Variants in DNAJC16 observed in about 807,000 individuals in gnomAD.
DNAJC16 encodes the protein DnaJ heat shock protein family (Hsp40) member C16.
DNAJC16 carries 76 observed loss-of-function variants against 92.7 expected under a neutral mutation model. The observed-to-expected ratio is 0.82, with a 90% CI of 0.68 to 0.99. DNAJC16 has a LOEUF of 0.99. Among genes scored for constraint, DNAJC16 ranks in the 50% least tolerant of loss-of-function variants. DNAJC16 has a pLI of 0.00. For missense variants in DNAJC16, 869 were observed against 942.4 expected, an observed-to-expected ratio of 0.92 and a Z score of 1.02; for synonymous variants, 328 against 358.7, an observed-to-expected ratio of 0.91 and a Z score of 0.97.
At chr1:15,536,059 TTTCTTTTCTTTTC>T (rs969727417) in intron 3 of DNAJC16, among the ~76,000 whole-genome samples, 6 of 93,908 alleles carry the variant, frequency 6.4e-5, no homozygotes, top group African/African-American at 1.3e-4. Context: ...TTTCTTTTCT[TTTCTTTTCTTTTC>T]TTTTTTTTTT....
intron 7 of DNAJC16, among the ~76,000 whole-genome samples, chr1:15,558,198 T>C (rs1356445370): frequency 6.9e-6 from 1 of 144,996 alleles, no homozygotes. Context: ...TTTTTTTTCT[T>C]GAGACAGGGT....
intron 3 of DNAJC16, among the ~76,000 whole-genome samples, chr1:15,534,706 T>C (rs1710741551): frequency 6.6e-6 from 1 of 151,750 alleles, no homozygotes; most frequent in Admixed American, 6.6e-5. Flanking sequence ...AGGGAGACCG[T>C]CTCAAAAAAT....
intron 7 of DNAJC16, among the ~76,000 whole-genome samples, chr1:15,553,418 G>C (rs1638493578): frequency 1.3e-5 from 2 of 151,656 alleles, no homozygotes; most frequent in African/African-American, 4.9e-5. Context: ...ATTTTTGGTA[G>C]AGATGGGGTT....
chr1:15,548,535 T>G (rs1432385538), intron 7 of DNAJC16, 107 bp downstream of exon 7: 9 of 1,105,594 alleles, frequency 8.1e-6, no homozygotes, highest in Non-Finnish European at 9.9e-6. Context: ...GGATCTTCCT[T>G]CAGATGCACA....
chr1:15,543,659 G>C (rs1237252753), intron 4 of DNAJC16, among the ~76,000 whole-genome samples: 2 of 152,146 alleles, frequency 1.3e-5, no homozygotes, highest in African/African-American at 2.4e-5. Context: ...GGAGAAATAG[G>C]GGGAGAGCAT....
intron 7 of DNAJC16, among the ~76,000 whole-genome samples, chr1:15,550,125 A>G (rs1638412749): frequency 6.6e-6 from 1 of 152,218 alleles, no homozygotes; most frequent in Non-Finnish European, 1.5e-5. Context: ...AGCCACCGGC[A>G]CACAAGACAA....
At chr1:15,567,732 ATG>A in intron 14 of DNAJC16, 44 bp from the exon 15 acceptor site, 1 of 1,553,052 alleles carries the variant, frequency 6.4e-7, no homozygotes, top group African/African-American at 1.4e-5. Flanking sequence ...CAGCAATTAA[ATG>A]TGTCAGGAAA....
At chr1:15,537,833 G>A (rs911563100) in intron 4 of DNAJC16, among the ~76,000 whole-genome samples, 1 of 152,150 alleles carries the variant, frequency 6.6e-6, no homozygotes, top group Non-Finnish European at 1.5e-5. Flanking sequence ...GTATTGGGTT[G>A]GACCCAGGAG....
Position 15,548,352 on chromosome 1 carries a change from G to C in DNAJC16, c.947G>C (p.Arg316Pro), listed in dbSNP as rs779303862. 8.7e-6 allele frequency: 14 copies of C among 1,614,066 alleles called. No individual in the cohort carries two copies. Among genetic ancestry groups the C allele is most frequent in the Non-Finnish European group, 1.1e-5 (13 of 1,179,984 alleles). ...GLRGTEEMTR[R>P]YNINIYAPTL... is the part of the protein sequence containing the mutation. The stretch of plus-strand genomic sequence containing the variant: ...AGAGGGACGGAAGAGATGACAAGGC[G>C]GTACAACATCAATATCTACGCCCCT... Residue 316 changes from arginine to proline, a missense_variant, in exon 7 of 15, where the codon CGG becomes CCG. Arg to Pro is a moderately radical substitution (Grantham distance 103). Transcript: ENST00000375847.
chr1:15,556,756 C>T (rs1004536727), intron 7 of DNAJC16, among the ~76,000 whole-genome samples: 3 of 152,068 alleles, frequency 2.0e-5, no homozygotes, highest in Admixed American at 2.0e-4. Flanking sequence ...CGGGGGCTGT[C>T]CTTGTTCTTG....
chr1:15,547,685 G>A (rs923549113), intron 6 of DNAJC16, among the ~76,000 whole-genome samples: 14 of 151,578 alleles, frequency 9.2e-5, no homozygotes, highest in East Asian at 5.8e-4. Context: ...CAAGTGATCC[G>A]CCCACCTCGG....
chr1:15,528,350 C>T (rs1341006789), intron 1 of DNAJC16, among the ~76,000 whole-genome samples: 1 of 152,066 alleles, frequency 6.6e-6, no homozygotes, highest in African/African-American at 2.4e-5. Flanking sequence ...AGGAGACTTG[C>T]TTGAACCTGG....
chr1:15,551,015 A>C lies in DNAJC16; in HGVS notation c.1023+2587A>C, dbSNP rs554011853. Among the ~76,000 whole-genome samples the C allele has an allele frequency of 1.3e-5, 2 of 152,216 alleles. 1 individual carries two copies. The highest frequency in any genetic ancestry group is 4.1e-4 in the South Asian group (2 of 4,824). On this transcript the variant is annotated intron_variant, in intron 7 of 14. Coordinates refer to ENST00000375847, the MANE Select transcript of DNAJC16 (RefSeq NM_015291.4). ...CTCCCGAGTTGCTGGGATTACAGGC[A>C]CCTGCCACCATGCCCGGCTAATTTT...
rs116564968 is a variant in DNAJC16 at position 15,535,007 on chromosome 1, G to A, written c.234+704G>A. 4.6e-3 allele frequency among the ~76,000 whole-genome samples: 705 copies of A among 152,310 alleles called. 5 individuals are homozygous for A. Among genetic ancestry groups the A allele is most frequent in the African/African-American group, 0.016 (665 of 41,560 alleles). On this transcript the variant is annotated intron_variant, in intron 3 of 14. Transcript: ENST00000375847. ...ATGTCAGCTCAAGTAGATTGGTCTGGAATATGCATCAAAGAGAATTCAGTG... is the reference window on the plus strand; with the variant it reads ...ATGTCAGCTCAAGTAGATTGGTCTGAAATATGCATCAAAGAGAATTCAGTG...
chr1:15,557,755 G>A (rs1553148592), intron 7 of DNAJC16, among the ~76,000 whole-genome samples: 1 of 146,772 alleles, frequency 6.8e-6, no homozygotes, highest in South Asian at 2.1e-4. Flanking sequence ...TTCTTTTTTA[G>A]TCAGTCTTGC....
chr1:15,564,909 A>C (rs75132554), intron 11 of DNAJC16, among the ~76,000 whole-genome samples: 41,439 of 151,164 alleles, frequency 0.27, 6,421 homozygotes, highest in African/African-American at 0.42. Flanking sequence ...ATCTCAGCTC[A>C]CTGCAACCTC....
Position 15,536,507 on chromosome 1 carries a change from T to C in DNAJC16, c.267T>C (p.Tyr89=), listed in dbSNP as rs1710788930. The C allele has an allele frequency of 6.2e-7, 1 of 1,601,178 alleles. No individual in the cohort carries two copies. Among genetic ancestry groups the C allele is most frequent in the Non-Finnish European group, 8.5e-7 (1 of 1,175,490 alleles). Residue 89 remains tyrosine (Y), a synonymous_variant, in exon 4 of 15, where the codon TAT becomes TAC. Coordinates refer to ENST00000375847, the MANE Select transcript of DNAJC16 (RefSeq NM_015291.4). ...CAAATGAAGAAAAGAGATCAAATTA[T>C]GATCAATATGGAGACGCTGGAGAGA... ...ILSNEEKRSN[Y]DQYGDAGENQ... is the part of the protein sequence containing the mutation.
intron 7 of DNAJC16, among the ~76,000 whole-genome samples, chr1:15,559,174 G>A (rs1638635988): frequency 6.6e-6 from 1 of 152,038 alleles, no homozygotes; most frequent in Non-Finnish European, 1.5e-5. Flanking sequence ...TCCTGACCTC[G>A]TGATCTACCC....
rs905505500 is a variant in DNAJC16 at position 15,566,994 on chromosome 1, C to A, written c.1779-105C>A. 2.8e-6 allele frequency: 3 copies of A among 1,069,354 alleles called. No homozygotes were observed. The African/African-American group carries it at 4.7e-5, about 17-fold the overall frequency. 66.2% of individuals were successfully genotyped at this position (1,069,354 alleles called of 1,614,324 possible). A position where few individuals can be genotyped will look rare whatever the true frequency, so the allele number is the denominator to read the frequency against. On this transcript the variant is annotated intron_variant, in intron 13 of 14. Coordinates refer to ENST00000375847, the MANE Select transcript of DNAJC16 (RefSeq NM_015291.4). ...AGACTCAAGAATAGTGAATAACATACCTAGTCTGGTTAGAACATAGCATTT... is the reference window on the plus strand; with the variant it reads ...AGACTCAAGAATAGTGAATAACATAACTAGTCTGGTTAGAACATAGCATTT...
Sources: allele counts gnomAD v4.1 joint callset (sites outside exome capture counted in the v4.1 genomes callset), GRCh38; gene constraint gnomAD v4.1.1; transcripts MANE v1.5; gene names NCBI Gene and HGNC (gene_info 2026-07-23, HGNC 2026-07-21).